PSPC1: variants seen among roughly 807,000 people sequenced by gnomAD.
PSPC1 encodes paraspeckle protein 1.
In PSPC1, 14 loss-of-function variants were observed where a neutral mutation model predicts 51.6. The observed-to-expected ratio is 0.27, with a 90% confidence interval of 0.18 to 0.42. The LOEUF is 0.42. Among genes scored for constraint, PSPC1 ranks in the 10% least tolerant of loss-of-function variants. The probability of loss-of-function intolerance (pLI) is 1.00; values close to 1 mark genes in which losing one functional copy is unlikely to be tolerated. For missense variants in PSPC1, 406 were observed against 701.1 expected (o/e 0.58, Z 4.75); for synonymous variants, 193 against 231.9 (o/e 0.83, Z 1.53).
chr13:19,782,310 G>C lies in PSPC1; in HGVS notation c.372+76C>G. On this transcript the variant is annotated intron_variant, in intron 1 of 8. Coordinates refer to ENST00000338910, the MANE Select transcript of PSPC1 (RefSeq NM_001354909.2). The surrounding 1 kb of genome is among the most constrained non-coding windows in gnomAD (Gnocchi z 4.5). ...AGGTTGAGACAGCGTCCTAGGACGAGGCTGGCCTCAGCCCCACGACCCCGC... is the reference window on the plus strand; with the variant it reads ...AGGTTGAGACAGCGTCCTAGGACGACGCTGGCCTCAGCCCCACGACCCCGC... 1 of 1,501,454 alleles carries C rather than the reference G, an allele frequency of 6.7e-7. No homozygotes were observed. Among genetic ancestry groups the C allele is most frequent in the Non-Finnish European group, 8.9e-7 (1 of 1,129,390 alleles). The allele number at this position is 1,501,454 out of a possible 1,614,324, so 93.0% of individuals were successfully genotyped here.
At chr13:19,695,635 G>C (rs1429895850) in intron 6 of PSPC1, among the ~76,000 whole-genome samples, 1 of 152,036 alleles carries the variant, frequency 6.6e-6, no homozygotes, top group African/African-American at 2.4e-5. Flanking sequence ...GGTGGGGGAG[G>C]GAACCACATT....
intron 4 of PSPC1, among the ~76,000 whole-genome samples, chr13:19,746,064 G>GGTGC (rs1179872989): frequency 6.8e-6 from 1 of 147,960 alleles, no homozygotes; most frequent in African/African-American, 2.5e-5. Context: ...GGAGTGCGGT[G>GGTGC]GTGCGATCTT....
downstream of PSPC1, among the ~76,000 whole-genome samples, chr13:19,700,361 A>G (rs914625261): frequency 6.6e-6 from 1 of 152,124 alleles, no homozygotes; most frequent in Non-Finnish European, 1.5e-5. Context: ...AATTCCAGCT[A>G]AAACAGATAT....
At chr13:19,737,920 T>C (rs1345859170) in intron 5 of PSPC1, among the ~76,000 whole-genome samples, 2 of 152,030 alleles carry the variant, frequency 1.3e-5, no homozygotes, top group Non-Finnish European at 1.5e-5. Context: ...ATCCCATCTC[T>C]ATAAAAAAAT....
intron 4 of PSPC1, among the ~76,000 whole-genome samples, chr13:19,747,869 A>G (rs1886153977): frequency 6.6e-6 from 1 of 152,210 alleles, no homozygotes; most frequent in African/African-American, 2.4e-5. Flanking sequence ...AACTAAGATT[A>G]ATTACAGTCT....
intron 4 of PSPC1, among the ~76,000 whole-genome samples, chr13:19,750,294 T>C (rs1857937032): frequency 6.6e-6 from 1 of 151,938 alleles, no homozygotes; most frequent in Non-Finnish European, 1.5e-5. Flanking sequence ...TAGCCGGACA[T>C]TGTGGTGTGT....
intron 2 of PSPC1, among the ~76,000 whole-genome samples, chr13:19,762,741 T>A (rs183241839): frequency 3.3e-5 from 5 of 152,218 alleles, no homozygotes; most frequent in African/African-American, 1.2e-4. Context: ...CCACTCCCTA[T>A]AGAAGCTCCC....
At position 19,705,827 on chromosome 13, in the gene PSPC1, C is replaced by T. The variant is rs201575392; in HGVS notation, c.1221G>A (p.Ala407=). Residue 407 remains alanine (A), a synonymous_variant, in exon 8 of 9, where the codon GCG becomes GCA. Coordinates refer to ENST00000338910, the MANE Select transcript of PSPC1 (RefSeq NM_001354909.2). ...GGTTACCAGCAGGGGCTGGGCTAAA[C>T]GCATCTATGTAAAACAATCTATACT... ...GPRGAINMGD[A]FSPAPAGNQG... 1,424 of 1,608,190 alleles carry T rather than the reference C, an allele frequency of 8.9e-4. No homozygotes were observed. Among genetic ancestry groups the T allele is most frequent in the Non-Finnish European group, 1.1e-3 (1,324 of 1,177,128 alleles).
chr13:19,751,262 C>T lies in PSPC1; in HGVS notation c.967+9G>A. 2 of 1,508,650 alleles carry T rather than the reference C, an allele frequency of 1.3e-6. No individual in the cohort carries two copies. Among genetic ancestry groups the T allele is most frequent in the Non-Finnish European group, 1.8e-6 (2 of 1,132,282 alleles). 93.5% of individuals were successfully genotyped at this position (1,508,650 alleles called of 1,614,324 possible). ...ATCATACCACATGTACATGAAAATC[C>T]ATATTTACCTTGCCTCATTAGCATT... On this transcript the variant is annotated intron_variant, in intron 4 of 8. Coordinates refer to ENST00000338910, the MANE Select transcript of PSPC1 (RefSeq NM_001354909.2).
chr13:19,748,135 C>T (rs1231000482), intron 4 of PSPC1, among the ~76,000 whole-genome samples: 1 of 151,886 alleles, frequency 6.6e-6, no homozygotes, highest in African/African-American at 2.4e-5. Flanking sequence ...ATCGCTTGAA[C>T]TCAGAAGGCA....
At chr13:19,680,721 T>TA (rs1877177388) in intron 6 of PSPC1, among the ~76,000 whole-genome samples, 2 of 152,230 alleles carry the variant, frequency 1.3e-5, no homozygotes. Context: ...GGTCTGTCTT[T>TA]AATTTCAGAA....
At chr13:19,759,473 C>T (rs541026823) in intron 2 of PSPC1, 55 bp from the exon 3 acceptor site, 6 of 1,189,724 alleles carry the variant, frequency 5.0e-6, no homozygotes, top group South Asian at 2.6e-5. Flanking sequence ...GAATTAATAC[C>T]GTCTTAAAAG....
chr13:19,694,186 C>T (rs191333037), intron 6 of PSPC1, among the ~76,000 whole-genome samples: 6 of 140,440 alleles, frequency 4.3e-5, no homozygotes, highest in African/African-American at 1.7e-4. Flanking sequence ...CATACACACA[C>T]ACACACACTA....
intron 7 of PSPC1, chr13:19,675,823 A>G (rs1876574079): frequency 6.6e-6 from 1 of 152,236 alleles, no homozygotes. Flanking sequence ...GGAAACTGTC[A>G]TGGAAATGGC....
chr13:19,756,435 A>C (rs1003029539), intron 3 of PSPC1, among the ~76,000 whole-genome samples: 4 of 152,144 alleles, frequency 2.6e-5, no homozygotes, highest in Admixed American at 2.6e-4. Context: ...GGAAGAGTCA[A>C]GCAGGTTCAC....
chr13:19,773,283 ACT>A (rs1355365505), intron 1 of PSPC1, among the ~76,000 whole-genome samples: 62 of 137,914 alleles, frequency 4.5e-4, no homozygotes, highest in Admixed American at 3.0e-3. Context: ...AGAATCTGGC[ACT>A]GTCACCCGGG....
chr13:19,671,770 T>C (rs375998737), downstream of PSPC1: 8 of 1,528,858 alleles, frequency 5.2e-6, no homozygotes, highest in Non-Finnish European at 7.2e-6. Context: ...ATTTGTGGGT[T>C]TTTTCTTGTA....
At chr13:19,771,766 A>G (rs1005483654) in intron 2 of PSPC1, among the ~76,000 whole-genome samples, 3 of 152,032 alleles carry the variant, frequency 2.0e-5, no homozygotes, top group African/African-American at 7.2e-5. Context: ...GACTACAGGC[A>G]TGCACCACCA....
At chr13:19,712,538 T>G (rs1034902331) in intron 6 of PSPC1, among the ~76,000 whole-genome samples, 1 of 152,152 alleles carries the variant, frequency 6.6e-6, no homozygotes, top group African/African-American at 2.4e-5. Flanking sequence ...ACGGGAAATG[T>G]ATCAATGTAC....
Sources: gnomAD v4.1 joint callset for allele counts (sites outside exome capture counted in the v4.1 genomes callset) on GRCh38, gnomAD v4.1.1 for gene constraint, Gnocchi (gnomAD v3.1) non-coding constraint, MANE v1.5 for transcripts, NCBI Gene and HGNC (gene_info 2026-07-23, HGNC 2026-07-21) for gene names.